ITGA9: variants seen among roughly 807,000 people sequenced by gnomAD.
ITGA9 encodes the protein integrin subunit alpha 9, also known as integrin alpha-9.
Under a neutral mutation model 127.8 loss-of-function variants are expected in ITGA9, and 56 were observed. The ratio of observed to expected loss-of-function variants is 0.44; its 90% CI spans 0.35 to 0.55. The LOEUF (loss-of-function observed/expected upper bound fraction) is 0.55. ITGA9 is among the 20% of genes least tolerant of loss of function. ITGA9 has a pLI of 0.00. For missense variants in ITGA9, 1,196 were observed against 1,347.1 expected (o/e 0.89, Z 1.76); for synonymous variants, 508 against 514.5 (o/e 0.99, Z 0.17).
chr3:37,620,148 G>A (rs1236871682), intron 15 of ITGA9, among the ~76,000 whole-genome samples: 5 of 152,208 alleles, frequency 3.3e-5, no homozygotes, highest in Admixed American at 3.3e-4. Context: ...ACCCTCAAAG[G>A]GAGAAGATTA....
At chr3:37,729,296 G>A (rs1014292266) in intron 18 of ITGA9, among the ~76,000 whole-genome samples, 1 of 152,120 alleles carries the variant, frequency 6.6e-6, no homozygotes, top group Admixed American at 6.6e-5. Context: ...GGCAGCAGAA[G>A]GGTAATCCAT....
At chr3:37,811,598 T>C (rs898512950) in intron 27 of ITGA9, among the ~76,000 whole-genome samples, 2 of 152,332 alleles carry the variant, frequency 1.3e-5, no homozygotes, top group African/African-American at 4.8e-5. Flanking sequence ...GCTCTGTCCT[T>C]GTTTGTTTGC....
intron 15 of ITGA9, among the ~76,000 whole-genome samples, chr3:37,617,348 G>C (rs1415683743): frequency 6.6e-6 from 1 of 152,214 alleles, no homozygotes; most frequent in Admixed American, 6.5e-5. Context: ...AGTCTGATGG[G>C]CTTCCCTTTG....
intron 1 of ITGA9, among the ~76,000 whole-genome samples, chr3:37,466,343 C>T (rs1014576552): frequency 1.3e-5 from 2 of 151,614 alleles, no homozygotes; most frequent in Admixed American, 6.6e-5. Context: ...ATTAGCGGGG[C>T]GTGGTGGCGT....
At chr3:37,593,352 G>A (rs1274185657) in intron 15 of ITGA9, among the ~76,000 whole-genome samples, 1 of 152,118 alleles carries the variant, frequency 6.6e-6, no homozygotes, top group East Asian at 1.9e-4. Context: ...TTTGATCTGT[G>A]GTTGGTTGAA....
chr3:37,466,307 A>AC (rs1283369057), intron 1 of ITGA9, among the ~76,000 whole-genome samples: 2 of 151,866 alleles, frequency 1.3e-5, no homozygotes, highest in South Asian at 2.1e-4. Flanking sequence ...ATATGGTGAA[A>AC]CCCCATCTCT....
intron 13 of ITGA9, among the ~76,000 whole-genome samples, chr3:37,529,531 A>G (rs1181022928): frequency 6.6e-6 from 1 of 152,198 alleles, no homozygotes; most frequent in African/African-American, 2.4e-5. Flanking sequence ...CTTGGCTGCA[A>G]AGGAGCAAAT....
At chr3:37,734,785 C>A (rs886768464) in intron 19 of ITGA9, among the ~76,000 whole-genome samples, 2 of 152,186 alleles carry the variant, frequency 1.3e-5, no homozygotes, top group Non-Finnish European at 2.9e-5. Flanking sequence ...AGCCACCGTG[C>A]CCAGCCAACA....
chr3:37,723,784 T>C (rs1197177065), intron 18 of ITGA9, among the ~76,000 whole-genome samples: 7 of 152,238 alleles, frequency 4.6e-5, no homozygotes, highest in South Asian at 2.1e-4. Context: ...GGGCGTGATA[T>C]AGGGCAGCGG....
At chr3:37,705,954 T>C (rs556887247) in intron 18 of ITGA9, among the ~76,000 whole-genome samples, 1 of 152,194 alleles carries the variant, frequency 6.6e-6, no homozygotes, top group Non-Finnish European at 1.5e-5. Context: ...AGGCCCCATG[T>C]GGTATCTTCC....
intron 15 of ITGA9, among the ~76,000 whole-genome samples, chr3:37,558,609 G>A (rs13073747): frequency 2.4e-3 from 364 of 152,242 alleles, no homozygotes; most frequent in Non-Finnish European, 4.0e-3. Context: ...CAAGTGTTCC[G>A]ATTTGGATGG....
Position 37,490,967 on chromosome 3 carries a change from C to CCG in ITGA9, c.545-3533_545-3532insGC, listed in dbSNP as rs1553641997. ...ATCTTTTGGGTCTCAGATTTGGCTT[C>CCG]CCCCCCGCTTTTTTTTTTTTTTTTT... On this transcript the variant is annotated intron_variant, in intron 4 of 27. Coordinates refer to ENST00000264741, the MANE Select transcript of ITGA9 (RefSeq NM_002207.3). Among the ~76,000 whole-genome samples the CCG allele has an allele frequency of 1.7e-4, 8 of 45,784 alleles. No homozygotes were observed. The Admixed American group carries it at 2.8e-3, about 16-fold the overall frequency. The allele number at this position is 45,784 out of a possible 152,430, so 30.0% of individuals were successfully genotyped here.
intron 16 of ITGA9, among the ~76,000 whole-genome samples, chr3:37,647,091 A>C (rs979921097): frequency 2.6e-5 from 4 of 152,020 alleles, no homozygotes; most frequent in Non-Finnish European, 2.9e-5. Context: ...CCAGTGCGTG[A>C]CTCAGGTCTC....
chr3:37,646,075 A>AT, intron 16 of ITGA9, among the ~76,000 whole-genome samples: 1 of 152,294 alleles, frequency 6.6e-6, no homozygotes, highest in Non-Finnish European at 1.5e-5. Flanking sequence ...ATTCATTGAA[A>AT]TCTTTTTTTT....
chr3:37,600,446 T>A (rs1575163015), intron 15 of ITGA9, among the ~76,000 whole-genome samples: 1 of 152,272 alleles, frequency 6.6e-6, no homozygotes, highest in Non-Finnish European at 1.5e-5. Context: ...GGTGGCCTCT[T>A]CCCTAGCCCC....
intron 15 of ITGA9, among the ~76,000 whole-genome samples, chr3:37,551,894 G>A (rs1242951552): frequency 6.6e-6 from 1 of 152,264 alleles, no homozygotes; most frequent in African/African-American, 2.4e-5. Context: ...GAATGAAGAC[G>A]GATGAGCCGT....
rs1450307503 is a variant in ITGA9 at position 37,512,069 on chromosome 3, TTTCTTTCC to T, written c.898-1690_898-1683del. On this transcript the variant is annotated intron_variant, in intron 8 of 27. Coordinates refer to ENST00000264741, the MANE Select transcript of ITGA9 (RefSeq NM_002207.3). ...CTTTCTTTCTTTCTTTCTTTCTTTC[TTTCTTTCC>T]TTCCTTCCTTCCTTCCTTCCTTCCT... Among the ~76,000 whole-genome samples the T allele has an allele frequency of 1.5e-3, 93 of 60,636 alleles. 6 individuals are homozygous for T. The highest frequency in any genetic ancestry group is 5.5e-3 in the East Asian group (7 of 1,264). 39.8% of individuals were successfully genotyped at this position (60,636 alleles called of 152,430 possible).
chr3:37,584,353 G>C (rs558004988), intron 15 of ITGA9, among the ~76,000 whole-genome samples: 2 of 152,196 alleles, frequency 1.3e-5, no homozygotes, highest in African/African-American at 4.8e-5. Context: ...GCCAGAGCAA[G>C]TCATGAGGCC....
At chr3:37,602,023 G>T (rs1370135087) in intron 15 of ITGA9, among the ~76,000 whole-genome samples, 1 of 152,022 alleles carries the variant, frequency 6.6e-6, no homozygotes, top group African/African-American at 2.4e-5. Flanking sequence ...GCTGTTGTAG[G>T]AGCACAGTGA....
Sources: gnomAD v4.1 joint callset for allele counts (sites outside exome capture counted in the v4.1 genomes callset) on GRCh38, gnomAD v4.1.1 for gene constraint, MANE v1.5 for transcripts, NCBI Gene and HGNC (gene_info 2026-07-23, HGNC 2026-07-21) for gene names.